The following ZNRF3 variants were observed in gnomAD, a reference collection of about 807,000 sequenced individuals.
The protein encoded by ZNRF3 is zinc and ring finger 3.
Under a neutral mutation model 72.5 loss-of-function variants are expected in ZNRF3, and 23 were observed. The observed-to-expected ratio is 0.32, with a 90% CI of 0.23 to 0.45. The LOEUF (loss-of-function observed/expected upper bound fraction) is 0.45, where lower values mean the gene tolerates loss of function less well. ZNRF3 is among the 20% of genes least tolerant of loss of function. The pLI is 1.00. For missense variants in ZNRF3, 1,169 were observed against 1,272.1 expected (o/e 0.92, Z 1.23); for synonymous variants, 610 against 545.3 (o/e 1.12, Z -1.65).
chr22:29,014,667 G>C (rs1451495025), intron 2 of ZNRF3, among the ~76,000 whole-genome samples: 2 of 152,190 alleles, frequency 1.3e-5, no homozygotes, highest in Non-Finnish European at 2.9e-5. Context: ...CTGTATCCCA[G>C]GCAGTGTGCT....
intron 1 of ZNRF3, among the ~76,000 whole-genome samples, chr22:28,974,177 G>T (rs1299150466): frequency 6.6e-6 from 1 of 151,968 alleles, no homozygotes; most frequent in Non-Finnish European, 1.5e-5. Context: ...TAGCCAGGAT[G>T]GTCTCGATCT....
At chr22:28,917,029 T>G (rs1044829409) in intron 1 of ZNRF3, among the ~76,000 whole-genome samples, 1 of 152,072 alleles carries the variant, frequency 6.6e-6, no homozygotes, top group Non-Finnish European at 1.5e-5. Flanking sequence ...ACCAACTATT[T>G]ATAGCATACT....
intron 2 of ZNRF3, among the ~76,000 whole-genome samples, chr22:29,005,899 G>T (rs2036234551): frequency 6.6e-6 from 1 of 152,110 alleles, no homozygotes; most frequent in Admixed American, 6.5e-5. Context: ...GCTGGGCGTG[G>T]TGGTGCATGC....
At chr22:28,942,571 C>T (rs903228223) in intron 1 of ZNRF3, among the ~76,000 whole-genome samples, 2 of 152,182 alleles carry the variant, frequency 1.3e-5, no homozygotes, top group Non-Finnish European at 2.9e-5. Flanking sequence ...ATCCCAAGAT[C>T]TTTCTCCAGA....
At chr22:29,038,167 G>A (rs1296345056) in intron 2 of ZNRF3, among the ~76,000 whole-genome samples, 5 of 152,160 alleles carry the variant, frequency 3.3e-5, no homozygotes, top group Admixed American at 1.3e-4. Context: ...ACAAGACTGT[G>A]AACTCCTAAT....
chr22:29,026,405 G>C (rs2036638055), intron 2 of ZNRF3: 1 of 152,152 alleles, frequency 6.6e-6, no homozygotes, highest in African/African-American at 2.4e-5. Flanking sequence ...CAAGTTCTGT[G>C]ACTTGGTTAG....
At chr22:28,953,311 G>T (rs908261095) in intron 1 of ZNRF3, among the ~76,000 whole-genome samples, 39 of 152,316 alleles carry the variant, frequency 2.6e-4, no homozygotes, top group Non-Finnish European at 4.3e-4. Flanking sequence ...TCATCTTGAG[G>T]AGTACTCGGC....
At chr22:29,034,281 C>A (rs2036821591) in intron 2 of ZNRF3, among the ~76,000 whole-genome samples, 1 of 152,214 alleles carries the variant, frequency 6.6e-6, no homozygotes, top group Non-Finnish European at 1.5e-5. Flanking sequence ...GAACTGTATA[C>A]TCGAATGTTT....
chr22:29,024,309 T>TTG, intron 2 of ZNRF3, among the ~76,000 whole-genome samples: 1 of 151,702 alleles, frequency 6.6e-6, no homozygotes, highest in Non-Finnish European at 1.5e-5. Flanking sequence ...CTTTCAATTT[T>TTG]CTGCACTGTT....
chr22:28,909,630 G>T (rs1484663422), intron 1 of ZNRF3, among the ~76,000 whole-genome samples: 3 of 151,992 alleles, frequency 2.0e-5, no homozygotes, highest in African/African-American at 7.3e-5. Flanking sequence ...ACCCAGGCTG[G>T]AGTGCGGGGG....
chr22:29,057,221 A>G lies in ZNRF3; in HGVS notation c.*3599A>G, dbSNP rs915797949. ...GTATATTCTGTATATGTATAGCAGC[A>G]CATTTCATTTATGGAAATATGTTCT... is the stretch of plus-strand genomic sequence containing the variant. On this transcript the variant is annotated 3_prime_UTR_variant, in exon 9 of 9. Transcript: ENST00000544604. 1.3e-5 allele frequency: 2 copies of G among 152,234 alleles called. No homozygotes were observed. The highest frequency in any genetic ancestry group is 2.9e-5 in the Non-Finnish European group (2 of 68,036). 9.4% of individuals were successfully genotyped at this position (152,234 alleles called of 1,614,324 possible). A position where few individuals can be genotyped will look rare whatever the true frequency, so the allele number is the denominator to read the frequency against.
At chr22:28,930,698 C>T (rs1023838743) in intron 1 of ZNRF3, among the ~76,000 whole-genome samples, 1 of 152,198 alleles carries the variant, frequency 6.6e-6, no homozygotes, top group Non-Finnish European at 1.5e-5. Context: ...TATTAATGAG[C>T]TGGTTATGCT....
chr22:29,009,068 C>G (rs1305882274), intron 2 of ZNRF3, among the ~76,000 whole-genome samples: 1 of 152,176 alleles, frequency 6.6e-6, no homozygotes, highest in African/African-American at 2.4e-5. Flanking sequence ...GGCCTCCCTC[C>G]TTGGTACTGC....
intron 1 of ZNRF3, among the ~76,000 whole-genome samples, chr22:28,920,857 T>C (rs1242619771): frequency 6.6e-6 from 1 of 152,212 alleles, no homozygotes; most frequent in African/African-American, 2.4e-5. Flanking sequence ...TGGCACTTAC[T>C]TCAAGGGGCT....
chr22:29,044,959 C>CT, intron 5 of ZNRF3, 69 bp downstream of exon 5: 1 of 1,097,058 alleles, frequency 9.1e-7, no homozygotes, highest in African/African-American at 1.5e-5. Context: ...AACCAGGACT[C>CT]TCGTCACCTT....
At position 29,057,221 on chromosome 22, in the gene ZNRF3, ACATTT is replaced by A. The variant is rs2037316205; in HGVS notation, c.*3605_*3609del. The A allele has an allele frequency of 6.6e-6, 1 of 152,234 alleles. No individual in the cohort carries two copies. The highest frequency in any genetic ancestry group is 1.5e-5 in the Non-Finnish European group (1 of 68,036). 9.4% of individuals were successfully genotyped at this position (152,234 alleles called of 1,614,324 possible). A position where few individuals can be genotyped will look rare whatever the true frequency, so the allele number is the denominator to read the frequency against. On this transcript the variant is annotated 3_prime_UTR_variant, in exon 9 of 9. Coordinates refer to ENST00000544604, the MANE Select transcript of ZNRF3 (RefSeq NM_001206998.2). Reference sequence around the variant, plus strand: ...GTATATTCTGTATATGTATAGCAGCACATTTCATTTATGGAAATATGTTCTCAGAA... The same window carrying A: ...GTATATTCTGTATATGTATAGCAGCACATTTATGGAAATATGTTCTCAGAA...
At chr22:29,005,907 T>C (rs186680168) in intron 2 of ZNRF3, among the ~76,000 whole-genome samples, 6 of 152,136 alleles carry the variant, frequency 3.9e-5, no homozygotes, top group Non-Finnish European at 8.8e-5. Context: ...TGGTGGTGCA[T>C]GCCTATAATC....
chr22:29,030,159 T>C lies in ZNRF3; in HGVS notation c.427-12336T>C, dbSNP rs1428069109. On this transcript the variant is annotated intron_variant, in intron 2 of 8. Coordinates refer to ENST00000544604, the MANE Select transcript of ZNRF3 (RefSeq NM_001206998.2). The surrounding 1 kb of genome is among the most constrained non-coding windows in gnomAD (Gnocchi z 4.2). ...GTGTGGACAGGCTTTCCTGGGTTTT[T>C]GGTGCTCCTTGTCAGGTGTTAAAAC... 1.3e-5 allele frequency among the ~76,000 whole-genome samples: 2 copies of C among 152,212 alleles called. No homozygotes were observed. The highest frequency in any genetic ancestry group is 2.9e-5 in the Non-Finnish European group (2 of 68,034).
intron 1 of ZNRF3, 153 bp from the exon 2 acceptor site, chr22:28,986,923 A>C: frequency 9.8e-7 from 1 of 1,017,218 alleles, no homozygotes. Context: ...ATTGTGCTGA[A>C]ATAAAATTCC....
Sources: allele counts gnomAD v4.1 joint callset (sites outside exome capture counted in the v4.1 genomes callset), GRCh38; gene constraint gnomAD v4.1.1; non-coding constraint Gnocchi (gnomAD v3.1); transcripts MANE v1.5; gene names NCBI Gene and HGNC (gene_info 2026-07-23, HGNC 2026-07-21).